The following NMBR variants were observed in gnomAD, a reference collection of about 807,000 sequenced individuals.
NMBR encodes neuromedin B receptor.
A neutral mutation model predicts 20.5 loss-of-function variants in NMBR; 16 were observed. That is an observed-to-expected ratio of 0.78 (90% CI 0.53 to 1.19). The LOEUF is 1.19. Ranked by LOEUF, NMBR falls within the 50% of genes most tolerant of loss-of-function variation. The pLI is 0.00. For synonymous variants in NMBR, 212 were observed against 196.6 expected (o/e 1.08, Z -0.65); for missense variants, 582 against 499.1 (o/e 1.17, Z -1.58).
chr6:142,078,565 G>T lies in NMBR; in HGVS notation c.761C>A (p.Thr254Asn), dbSNP rs1292838520. The T allele has an allele frequency of 3.8e-6, 6 of 1,579,028 alleles. No individual in the cohort carries two copies. The highest frequency in any genetic ancestry group is 2.7e-5 in the African/African-American group (2 of 73,904). The change falls in exon 3 of 4, where the codon ACC (threonine) becomes AAC (asparagine). Residue 254 changes from threonine (T) to asparagine (N), a missense_variant. By Grantham distance (65) the Thr-to-Asn change is moderately conservative. Transcript: ENST00000258042. ...HNLPGEYNEH[T>N]KKQMETRKRL... ...GCCTACTAAGCTTACCTGTTTTTTG[G>T]TATGTTCATTGTATTCTCCAGGAAG...
chr6:142,083,176 G>A (rs556463912), intron 2 of NMBR, among the ~76,000 whole-genome samples: 1 of 152,182 alleles, frequency 6.6e-6, no homozygotes, highest in East Asian at 1.9e-4. Flanking sequence ...TAATTTATTG[G>A]AGTCAAATAA....
chr6:142,121,110 TTGA>T (rs1290767829), intron 1 of NMBR, among the ~76,000 whole-genome samples: 1 of 151,906 alleles, frequency 6.6e-6, no homozygotes, highest in Non-Finnish European at 1.5e-5. Flanking sequence ...TGAGTGACTT[TTGA>T]TGATACTACT....
chr6:142,088,696 C>G lies in NMBR; in HGVS notation c.-38G>C. The G allele has an allele frequency of 6.4e-7, 1 of 1,560,254 alleles. No individual in the cohort carries two copies. The highest frequency in any genetic ancestry group is 8.7e-7 in the Non-Finnish European group (1 of 1,154,680). ...AGCAGAGTCCGCTGGAGTTTTCACG[C>G]GCTCCGGTGCCCTGAGGACTGAACG... On this transcript the variant is annotated 5_prime_UTR_variant, in exon 2 of 4. Transcript: ENST00000258042.
intron 1 of NMBR, among the ~76,000 whole-genome samples, chr6:142,093,318 A>G (rs1777372805): frequency 1.1e-5 from 1 of 93,448 alleles, no homozygotes; most frequent in African/African-American, 4.3e-5. Flanking sequence ...CCACCCCACA[A>G]CAGTCCCTGG....
intron 1 of NMBR, among the ~76,000 whole-genome samples, chr6:142,108,192 T>C (rs549054664): frequency 6.7e-6 from 1 of 150,048 alleles, no homozygotes; most frequent in South Asian, 2.1e-4. Flanking sequence ...CTGAAAACCT[T>C]CCAAATTTGA....
chr6:142,143,048 G>T (rs972267802), intron 1 of NMBR, among the ~76,000 whole-genome samples: 2 of 152,090 alleles, frequency 1.3e-5, no homozygotes, highest in Non-Finnish European at 2.9e-5. Context: ...TTGCACCACT[G>T]CCCTCTAGCC....
intron 1 of NMBR, among the ~76,000 whole-genome samples, chr6:142,094,433 T>C (rs1777403448): frequency 6.6e-6 from 1 of 152,202 alleles, no homozygotes; most frequent in Non-Finnish European, 1.5e-5. Flanking sequence ...CTTGTTTTTG[T>C]CAGGTTTGTC....
Position 142,075,164 on chromosome 6 carries a change from C to A in NMBR, c.*484G>T, listed in dbSNP as rs1373133866. The stretch of plus-strand genomic sequence containing the variant: ...GTGAATTGAATGAAATTCACCAGGA[C>A]AATCTGACTTGTATTTCAAATAATA... On this transcript the variant is annotated 3_prime_UTR_variant, in exon 4 of 4. Coordinates refer to ENST00000258042, the MANE Select transcript of NMBR (RefSeq NM_002511.4). Among the ~76,000 whole-genome samples the A allele has an allele frequency of 6.6e-6, 1 of 151,804 alleles. No homozygotes were observed. Among genetic ancestry groups the A allele is most frequent in the Non-Finnish European group, 1.5e-5 (1 of 67,946 alleles).
At chr6:142,078,003 T>A (rs1776985000) in intron 3 of NMBR, among the ~76,000 whole-genome samples, 1 of 152,032 alleles carries the variant, frequency 6.6e-6, no homozygotes, top group African/African-American at 2.4e-5. Context: ...TTGAGTTGGG[T>A]CACGTACTGC....
intron 1 of NMBR, among the ~76,000 whole-genome samples, chr6:142,138,392 G>A (rs1778300820): frequency 6.6e-6 from 1 of 152,070 alleles, no homozygotes; most frequent in Admixed American, 6.6e-5. Context: ...AGCTACTGAT[G>A]TCTGCTATTT....
Position 142,088,449 on chromosome 6 carries a change from G to GGT in NMBR, c.208_209dup (p.Asn71ProfsTer5), listed in dbSNP as rs1300746581. On this transcript the variant is annotated frameshift_variant, in exon 2 of 4. Coordinates refer to ENST00000258042, the MANE Select transcript of NMBR (RefSeq NM_002511.4). LOFTEE classifies it high-confidence loss of function. ...TGGGGACGCTCCTCATGGCGCTGTT[G>GGT]GTGATGAAGATCTTCACCAGCATGA... The GGT allele has an allele frequency of 6.2e-7, 1 of 1,613,904 alleles. No homozygotes were observed. Among genetic ancestry groups the GGT allele is most frequent in the Non-Finnish European group, 8.5e-7 (1 of 1,180,000 alleles).
chr6:142,114,276 G>A (rs552826330), intron 1 of NMBR, among the ~76,000 whole-genome samples: 1 of 152,056 alleles, frequency 6.6e-6, no homozygotes, highest in Admixed American at 6.6e-5. Flanking sequence ...TTGCTATTGT[G>A]TGAGATAATC....
intron 1 of NMBR, among the ~76,000 whole-genome samples, chr6:142,132,076 A>G (rs774049891): frequency 5.3e-5 from 8 of 152,150 alleles, no homozygotes; most frequent in Non-Finnish European, 8.8e-5. Context: ...ATTTGTTCCT[A>G]TCCAGCACAG....
rs991944829 is a variant in NMBR, at chr6:142,089,162, C to G, written c.-504G>C. On this transcript the variant is annotated 5_prime_UTR_variant, in exon 2 of 4. Coordinates refer to ENST00000258042, the MANE Select transcript of NMBR (RefSeq NM_002511.4). The stretch of plus-strand genomic sequence containing the variant: ...CAGCTTTGCTCTTGTTTGTGAAGTT[C>G]CTGTTGTATTGTGTGGAACTGGAGG... The G allele has an allele frequency of 1.2e-5, 2 of 164,792 alleles. No individual in the cohort carries two copies. The highest frequency in any genetic ancestry group is 5.5e-5 in the Admixed American group (1 of 18,086). 10.2% of individuals were successfully genotyped at this position (164,792 alleles called of 1,614,324 possible). A position where few individuals can be genotyped will look rare whatever the true frequency, so the allele number is the denominator to read the frequency against.
At chr6:142,139,477 T>C (rs2114613952) in intron 1 of NMBR, among the ~76,000 whole-genome samples, 1 of 152,344 alleles carries the variant, frequency 6.6e-6, no homozygotes, top group East Asian at 1.9e-4. Flanking sequence ...CAGGACTCAC[T>C]TAAATGCCCT....
At chr6:142,124,269 C>A (rs1777996041) in intron 1 of NMBR, among the ~76,000 whole-genome samples, 1 of 151,878 alleles carries the variant, frequency 6.6e-6, no homozygotes, top group Non-Finnish European at 1.5e-5. Context: ...TGTACCAATT[C>A]ATGTTTGTTG....
chr6:142,085,489 A>G (rs1777183372), intron 2 of NMBR, among the ~76,000 whole-genome samples: 1 of 152,036 alleles, frequency 6.6e-6, no homozygotes. Context: ...GCACCCCTAC[A>G]CTCCAGCCTG....
intron 2 of NMBR, among the ~76,000 whole-genome samples, chr6:142,086,611 G>C (rs1777205918): frequency 6.6e-6 from 1 of 151,956 alleles, no homozygotes; most frequent in Admixed American, 6.6e-5. Context: ...AAGTAGAAGA[G>C]GCATCTCACC....
At chr6:142,119,971 A>AC (rs1169513148) in intron 1 of NMBR, among the ~76,000 whole-genome samples, 1 of 151,982 alleles carries the variant, frequency 6.6e-6, no homozygotes, top group Non-Finnish European at 1.5e-5. Context: ...GTTGGATTTG[A>AC]AATCTGTTGG....
Sources: gnomAD v4.1 joint callset for allele counts (sites outside exome capture counted in the v4.1 genomes callset) on GRCh38, gnomAD v4.1.1 for gene constraint, MANE v1.5 for transcripts, NCBI Gene and HGNC (gene_info 2026-07-23, HGNC 2026-07-21) for gene names.